KLC1: variants seen among roughly 807,000 people sequenced by gnomAD.
KLC1 encodes the protein kinesin light chain 1.
A neutral mutation model predicts 84.2 loss-of-function variants in KLC1; 30 were observed. The observed-to-expected ratio is 0.36, with a 90% confidence interval of 0.27 to 0.48. The LOEUF (loss-of-function observed/expected upper bound fraction) is 0.48, where lower values mean the gene tolerates loss of function less well. KLC1 is among the 20% of genes least tolerant of loss of function. The pLI is 0.99. For synonymous variants in KLC1, 289 were observed against 293.3 expected (o/e 0.99, Z 0.15); for missense variants, 499 against 805.4 (o/e 0.62, Z 4.60).
At chr14:103,649,783 T>C (rs921789830) in intron 1 of KLC1, among the ~76,000 whole-genome samples, 51 of 151,670 alleles carry the variant, frequency 3.4e-4, no homozygotes, top group African/African-American at 1.1e-3. Flanking sequence ...GCAAGCTTCG[T>C]CTCCCGGGTT....
chr14:103,686,668 C>T (rs1389673573), intron 13 of KLC1: 3 of 155,064 alleles, frequency 1.9e-5, no homozygotes, highest in Non-Finnish European at 4.3e-5. Context: ...GGTTTGGGTC[C>T]TGTACTGTGT....
At chr14:103,664,978 C>T (rs2079632139) in intron 5 of KLC1, among the ~76,000 whole-genome samples, 1 of 152,082 alleles carries the variant, frequency 6.6e-6, no homozygotes, top group South Asian at 2.1e-4. Flanking sequence ...CTGCTGGGTG[C>T]TGGGGATGCC....
intron 12 of KLC1, among the ~76,000 whole-genome samples, chr14:103,677,727 C>T (rs182008069): frequency 2.0e-5 from 3 of 150,064 alleles, no homozygotes; most frequent in Non-Finnish European, 3.0e-5. Context: ...GGGAGGCCAG[C>T]GTGGGCAGAT....
chr14:103,684,677 A>C, intron 13 of KLC1: 7 of 250,452 alleles, frequency 2.8e-5, no homozygotes, highest in East Asian at 9.3e-5. Flanking sequence ...TTGCTACTCC[A>C]GCAGCTGCAG....
intron 15 of KLC1, chr14:103,699,572 G>T: frequency 6.2e-7 from 1 of 1,613,120 alleles, no homozygotes; most frequent in Non-Finnish European, 8.5e-7. Flanking sequence ...CTCCAACAAG[G>T]TGTCCTGTGG....
rs188531024 is a variant in KLC1 at position 103,667,207 on chromosome 14, G to A, written c.798-2304G>A. 2.8e-3 allele frequency among the ~76,000 whole-genome samples: 424 copies of A among 152,186 alleles called. 3 individuals carry two copies. Among genetic ancestry groups the A allele is most frequent in the African/African-American group, 9.5e-3 (393 of 41,512 alleles). On this transcript the variant is annotated intron_variant, in intron 5 of 16. Transcript: ENST00000334553. Reference sequence around the variant, plus strand: ...GCTCACTGCAACCTCTGCCTCCTGGGTTCAAGCGATTCTTCTGCCTCAGGC... The same window carrying A: ...GCTCACTGCAACCTCTGCCTCCTGGATTCAAGCGATTCTTCTGCCTCAGGC...
At chr14:103,660,652 TGTGGTAGA>T (rs1392642652) in intron 3 of KLC1, among the ~76,000 whole-genome samples, 1 of 150,916 alleles carries the variant, frequency 6.6e-6, no homozygotes, top group African/African-American at 2.4e-5. Context: ...ATTAGCTGGG[TGTGGTAGA>T]GTGCACCTGT....
intron 15 of KLC1, chr14:103,696,857 G>A: frequency 1.0e-6 from 1 of 973,582 alleles, no homozygotes; most frequent in Non-Finnish European, 1.2e-6. Flanking sequence ...CCAGGGCGTG[G>A]TGCCTCCCTA....
chr14:103,673,905 A>G (rs972631687), intron 9 of KLC1, among the ~76,000 whole-genome samples: 3 of 151,962 alleles, frequency 2.0e-5, no homozygotes, highest in Non-Finnish European at 1.5e-5. Flanking sequence ...CCTGGGCAAC[A>G]GAGTGAGACT....
rs2078693536 is a variant in KLC1 at position 103,654,421 on chromosome 14, G to A, written c.-1-143G>A. The stretch of plus-strand genomic sequence containing the variant: ...GGAAAAACAGAAACTGCAGAATATG[G>A]TATTTCAAGGTCATAAATTACAAAT... On this transcript the variant is annotated intron_variant, in intron 1 of 16. Coordinates refer to ENST00000334553, the MANE Select transcript of KLC1 (RefSeq NM_001394837.1). 11 of 583,674 alleles carry A rather than the reference G, an allele frequency of 1.9e-5. No individual in the cohort carries two copies. The South Asian group carries it at 3.0e-4, about 16-fold the overall frequency. 36.2% of individuals were successfully genotyped at this position (583,674 alleles called of 1,614,324 possible). A position where few individuals can be genotyped will look rare whatever the true frequency, so the allele number is the denominator to read the frequency against.
chr14:103,651,110 A>G (rs2078402474), intron 1 of KLC1, among the ~76,000 whole-genome samples: 1 of 151,972 alleles, frequency 6.6e-6, no homozygotes, highest in South Asian at 2.1e-4. Flanking sequence ...CCTGAGTTCA[A>G]GTGATTCTCC....
intron 12 of KLC1, among the ~76,000 whole-genome samples, chr14:103,677,770 C>T (rs1485723792): frequency 6.6e-6 from 1 of 151,818 alleles, no homozygotes; most frequent in Non-Finnish European, 1.5e-5. Context: ...ACCAGCCTGG[C>T]CAACATGGTG....
intron 1 of KLC1, among the ~76,000 whole-genome samples, chr14:103,633,240 G>T (rs1823884354): frequency 6.6e-6 from 1 of 152,036 alleles, no homozygotes; most frequent in South Asian, 2.1e-4. Flanking sequence ...TGTATTTTTA[G>T]TAGAGTCGGG....
intron 5 of KLC1, among the ~76,000 whole-genome samples, chr14:103,663,375 C>T (rs1003386301): frequency 3.3e-5 from 5 of 152,146 alleles, no homozygotes; most frequent in South Asian, 2.1e-4. Context: ...CCACCGCGCC[C>T]GGCCTATTTA....
Position 103,675,269 on chromosome 14 carries a change from G to A in KLC1, c.1262-283G>A, listed in dbSNP as rs148848035. ...GAACCCAGGAGCTGGAGGTTGCAGC[G>A]AGGCGGGATCACACCACTGCACTCC... On this transcript the variant is annotated intron_variant, in intron 9 of 16. Transcript: ENST00000334553. Among the ~76,000 whole-genome samples, 443 of 152,254 alleles carry A rather than the reference G, an allele frequency of 2.9e-3. 2 individuals carry two copies. The highest frequency in any genetic ancestry group is 0.01 in the African/African-American group (422 of 41,528).
chr14:103,695,750 C>T lies in KLC1; in HGVS notation c.1848+3325C>T, dbSNP rs563064035. The T allele has an allele frequency of 3.5e-5, 34 of 985,410 alleles. No homozygotes were observed. The African/African-American group carries it at 5.8e-4, about 17-fold the overall frequency. The allele number at this position is 985,410 out of a possible 1,614,324, so 61.0% of individuals were successfully genotyped here. On this transcript the variant is annotated intron_variant, in intron 15 of 16. Transcript: ENST00000334553. ...GCTTCCAGCCATGGGACTTTAGGGC[C>T]GAGGTGGCCTCTGCAGCACTGTGGC... is the stretch of plus-strand genomic sequence containing the variant.
At chr14:103,672,713 G>A (rs1047760351) in intron 7 of KLC1, among the ~76,000 whole-genome samples, 11 of 152,168 alleles carry the variant, frequency 7.2e-5, no homozygotes, top group Admixed American at 5.9e-4. Flanking sequence ...TGTGCCTAAT[G>A]TGTACATTTG....
At chr14:103,684,255 T>A (rs1310977618) in intron 13 of KLC1, among the ~76,000 whole-genome samples, 1 of 152,224 alleles carries the variant, frequency 6.6e-6, no homozygotes, top group African/African-American at 2.4e-5. Context: ...TCCTACTGTA[T>A]ACAGATAATA....
intron 1 of KLC1, among the ~76,000 whole-genome samples, chr14:103,645,242 G>A (rs1009585469): frequency 1.3e-4 from 19 of 151,792 alleles, no homozygotes; most frequent in African/African-American, 3.9e-4. Flanking sequence ...CAAAGTGCTG[G>A]GACTACAGGC....
Sources: gnomAD v4.1 joint callset for allele counts (sites outside exome capture counted in the v4.1 genomes callset) on GRCh38, gnomAD v4.1.1 for gene constraint, MANE v1.5 for transcripts, NCBI Gene and HGNC (gene_info 2026-07-23, HGNC 2026-07-21) for gene names.